The following CAST variants were observed in gnomAD, a reference collection of about 807,000 sequenced individuals.
CAST encodes calpastatin, also known as MIR583 host.
A neutral mutation model predicts 119.6 loss-of-function variants in CAST; 76 were observed. The observed-to-expected ratio is 0.64, with a 90% CI of 0.53 to 0.77. The LOEUF (loss-of-function observed/expected upper bound fraction) is 0.77. CAST is among the 30% of genes least tolerant of loss of function. CAST has a pLI of 0.00. For synonymous variants in CAST, 319 were observed against 331.6 expected, an observed-to-expected ratio of 0.96 and a Z score of 0.41; for missense variants, 953 against 946.5, an observed-to-expected ratio of 1.01 and a Z score of -0.09.
intron 1 of CAST, among the ~76,000 whole-genome samples, chr5:96,605,068 A>G (rs567762242): frequency 6.6e-6 from 1 of 152,228 alleles, no homozygotes; most frequent in Non-Finnish European, 1.5e-5. Context: ...ATTGAGGTTG[A>G]CTCCAAGGTC....
intron 13 of CAST, chr5:96,741,005 A>G (rs1017170977): frequency 3.4e-6 from 2 of 592,580 alleles, no homozygotes; most frequent in Non-Finnish European, 6.1e-6. Flanking sequence ...AAGGCGAGAA[A>G]GTATTAGGAT....
intron 3 of CAST, among the ~76,000 whole-genome samples, chr5:96,720,637 G>T (rs771437543): frequency 6.6e-6 from 1 of 152,218 alleles, no homozygotes; most frequent in Non-Finnish European, 1.5e-5. Context: ...TACACCCTGC[G>T]CCATTGCTGA....
chr5:96,423,388 A>C, the CAST span: 2 of 1,614,020 alleles, frequency 1.2e-6, no homozygotes, highest in South Asian at 2.2e-5. Context: ...CTTTGCCCGT[A>C]ATGCCTTTTT....
intron 1 of CAST, among the ~76,000 whole-genome samples, chr5:96,560,319 C>A (rs568900251): frequency 6.6e-6 from 1 of 152,086 alleles, no homozygotes; most frequent in East Asian, 1.9e-4. Context: ...GTCTAAAACA[C>A]CAAAAGCAAT....
At chr5:96,289,931 GTTT>G in the CAST span, among the ~76,000 whole-genome samples, 3 of 150,840 alleles carry the variant, frequency 2.0e-5, no homozygotes, top group Non-Finnish European at 3.0e-5. Context: ...TTCTTTGGAG[GTTT>G]TTTTTTTAAA....
intron 1 of CAST, chr5:96,663,268 G>T (rs1319569483): frequency 1.4e-6 from 1 of 700,462 alleles, no homozygotes; most frequent in Non-Finnish European, 2.6e-6. Flanking sequence ...AGCGTTGTCC[G>T]GGGTTTGGCG....
At chr5:96,694,281 A>G (rs1232018933) in intron 2 of CAST, among the ~76,000 whole-genome samples, 3 of 152,186 alleles carry the variant, frequency 2.0e-5, no homozygotes, top group Non-Finnish European at 4.4e-5. Flanking sequence ...TGTGTATTCA[A>G]TATTTACAGT....
chr5:96,133,509 G>T, the CAST span, among the ~76,000 whole-genome samples: 1 of 152,060 alleles, frequency 6.6e-6, no homozygotes, highest in Non-Finnish European at 1.5e-5. Context: ...ACATGAGAGG[G>T]GTGAAGTATC....
At chr5:96,169,983 A>T in the CAST span, among the ~76,000 whole-genome samples, 1 of 152,204 alleles carries the variant, frequency 6.6e-6, no homozygotes, top group South Asian at 2.1e-4. Context: ...TACCCACAAC[A>T]GTTATGGAGG....
the CAST span, among the ~76,000 whole-genome samples, chr5:96,305,733 C>G: frequency 6.6e-6 from 1 of 150,980 alleles, no homozygotes; most frequent in African/African-American, 2.4e-5. Context: ...GTCATTGGTT[C>G]TGTTTATGTG....
the CAST span, among the ~76,000 whole-genome samples, chr5:96,233,392 G>T: frequency 6.6e-6 from 1 of 151,966 alleles, no homozygotes; most frequent in African/African-American, 2.4e-5. Context: ...AAGCAAAAAT[G>T]GAGTAATATT....
At chr5:96,062,451 T>C in the CAST span, among the ~76,000 whole-genome samples, 1 of 152,232 alleles carries the variant, frequency 6.6e-6, no homozygotes, top group East Asian at 1.9e-4. Context: ...AGTAGTGCCA[T>C]TTACCTTTTG....
At chr5:96,348,920 G>A in the CAST span, among the ~76,000 whole-genome samples, 1 of 152,078 alleles carries the variant, frequency 6.6e-6, no homozygotes, top group Non-Finnish European at 1.5e-5. Context: ...GGTTAATTAT[G>A]AGCAGAAAGT....
At chr5:96,687,542 T>C (rs996322628) in intron 2 of CAST, among the ~76,000 whole-genome samples, 1 of 152,250 alleles carries the variant, frequency 6.6e-6, no homozygotes, top group African/African-American at 2.4e-5. Flanking sequence ...TTTGTCTTAA[T>C]CATTACGATT....
intron 3 of CAST, among the ~76,000 whole-genome samples, chr5:96,715,773 G>T (rs927093125): frequency 1.3e-5 from 2 of 152,012 alleles, no homozygotes; most frequent in Non-Finnish European, 2.9e-5. Flanking sequence ...TCTTCTGACC[G>T]CCTGTAGCAT....
intron 1 of CAST, among the ~76,000 whole-genome samples, chr5:96,614,641 G>A (rs777366646): frequency 9.9e-5 from 15 of 152,190 alleles, no homozygotes; most frequent in Non-Finnish European, 1.9e-4. Flanking sequence ...CAAAGATTCA[G>A]AGGAAATCCA....
At chr5:96,513,608 C>A in the CAST span, among the ~76,000 whole-genome samples, 1 of 152,174 alleles carries the variant, frequency 6.6e-6, no homozygotes, top group Non-Finnish European at 1.5e-5. Context: ...GAAAAGTAAG[C>A]CAGTCAAGTG....
the CAST span, among the ~76,000 whole-genome samples, chr5:96,069,042 T>A: frequency 6.6e-6 from 1 of 151,840 alleles, no homozygotes; most frequent in South Asian, 2.1e-4. Context: ...TGTGTGTATG[T>A]GTGTGTATGT....
the CAST span, among the ~76,000 whole-genome samples, chr5:96,194,608 C>A: frequency 6.6e-6 from 1 of 152,054 alleles, no homozygotes; most frequent in African/African-American, 2.4e-5. Context: ...ACCTAGCAAA[C>A]TATCTTTTAT....
Sources: gnomAD v4.1 joint callset for allele counts (sites outside exome capture counted in the v4.1 genomes callset) on GRCh38, gnomAD v4.1.1 for gene constraint, MANE v1.5 for transcripts, NCBI Gene and HGNC (gene_info 2026-07-23, HGNC 2026-07-21) for gene names.